PCDHB11: variants seen among roughly 807,000 people sequenced by gnomAD.
PCDHB11 encodes the protein protocadherin beta-11.
For missense variants in PCDHB11, 1,151 were observed against 1,003.4 expected, an observed-to-expected ratio of 1.15 and a Z score of -1.99; for synonymous variants, 522 against 442.0, an observed-to-expected ratio of 1.18 and a Z score of -2.27.
At position 141,201,743 on chromosome 5, in the gene PCDHB11, A is replaced by G. The variant is rs1588379912; in HGVS notation, c.1969A>G (p.Thr657Ala). The change falls in exon 1 of 1, where the codon ACG (threonine) becomes GCG (alanine). Residue 657 changes from threonine (T) to alanine (A), a missense_variant. Thr to Ala is a moderately conservative substitution (Grantham distance 58). Transcript: ENST00000354757. ...NGEPPRSATA[T>A]LQVLLVDGFS... ...CGAGCCTCCGCGCTCGGCCACCGCC[A>G]CGCTGCAAGTGCTCCTGGTGGACGG... The G allele has an allele frequency of 3.7e-6, 6 of 1,608,624 alleles. No homozygotes were observed. The East Asian group carries it at 8.9e-5, about 24-fold the overall frequency.
chr5:141,201,046 C>G lies in PCDHB11; in HGVS notation c.1272C>G (p.Thr424=), dbSNP rs1554285476. 1.2e-6 allele frequency: 2 copies of G among 1,614,188 alleles called. No individual in the cohort carries two copies. The highest frequency in any genetic ancestry group is 1.3e-5 in the African/African-American group (1 of 75,044). The change falls in exon 1 of 1, where the codon ACC becomes ACG. Residue 424 remains threonine (T), a synonymous_variant. Coordinates refer to ENST00000354757, the MANE Select transcript of PCDHB11 (RefSeq NM_018931.3). ...AGTACAATATCACCATCACCGTCACCGACTTGGGGATACCCAGGCTGAAAA... is the reference window on the plus strand; with the variant it reads ...AGTACAATATCACCATCACCGTCACGGACTTGGGGATACCCAGGCTGAAAA... The part of the protein sequence containing the change: ...TAEYNITITV[T]DLGIPRLKTE...
rs1554285796 is a variant in PCDHB11, at chr5:141,202,032, T to C, written c.2258T>C (p.Val753Ala). 3.1e-6 allele frequency: 5 copies of C among 1,614,006 alleles called. No individual in the cohort carries two copies. Among genetic ancestry groups the C allele is most frequent in the African/African-American group, 1.3e-5 (1 of 74,894 alleles). The stretch of plus-strand genomic sequence containing the variant: ...CTTTCCCAGAGCTACCAGTACGAGG[T>C]GTGTCTGACGGGAGGTTCCGAGACA... ...GTLSQSYQYE[V>A]CLTGGSETNE... Residue 753 changes from valine (V) to alanine (A), a missense_variant, in exon 1 of 1, where the codon GTG becomes GCG. Val to Ala is a moderately conservative substitution (Grantham distance 64). Coordinates refer to ENST00000354757, the MANE Select transcript of PCDHB11 (RefSeq NM_018931.3).
In PCDHB11 at chr5:141,202,274, AT is replaced by A; in HGVS notation, c.*111del. ...GTTATTATGCAATACGACTAATTGT[AT>A]TTTTAATTTTTTCTTTTCTCCCCCA... is the stretch of plus-strand genomic sequence containing the variant. On this transcript the variant is annotated 3_prime_UTR_variant, in exon 1 of 1. Transcript: ENST00000354757. 9.8e-7 allele frequency: 1 copy of A among 1,019,622 alleles called. No homozygotes were observed. The highest frequency in any genetic ancestry group is 1.4e-6 in the Non-Finnish European group (1 of 734,594). The allele number at this position is 1,019,622 out of a possible 1,614,324, so 63.2% of individuals were successfully genotyped here.
At position 141,202,300 on chromosome 5, in the gene PCDHB11, AATTT is replaced by A; in HGVS notation, c.*133_*136del. 1 of 843,386 alleles carries A rather than the reference AATTT, an allele frequency of 1.2e-6. No homozygotes were observed. Among genetic ancestry groups the A allele is most frequent in the Non-Finnish European group, 1.7e-6 (1 of 598,050 alleles). The allele number at this position is 843,386 out of a possible 1,614,324, so 52.2% of individuals were successfully genotyped here. A position where few individuals can be genotyped will look rare whatever the true frequency, so the allele number is the denominator to read the frequency against. ...TTTTTAATTTTTTCTTTTCTCCCCCAATTTTTTTTTTTTTTTTGAGACCGAGTCT... is the reference window on the plus strand; with the variant it reads ...TTTTTAATTTTTTCTTTTCTCCCCCATTTTTTTTTTTTTGAGACCGAGTCT... On this transcript the variant is annotated 3_prime_UTR_variant, in exon 1 of 1. Coordinates refer to ENST00000354757, the MANE Select transcript of PCDHB11 (RefSeq NM_018931.3).
At position 141,199,823 on chromosome 5, in the gene PCDHB11, C is replaced by G. The variant is rs142003503; in HGVS notation, c.49C>G (p.Leu17Val). The change falls in exon 1 of 1, where the codon CTC becomes GTC. Residue 17 changes from leucine to valine, a missense_variant. Physicochemically the swap from Leu to Val is conservative, Grantham distance 32. Coordinates refer to ENST00000354757, the MANE Select transcript of PCDHB11 (RefSeq NM_018931.3). ...TCAGCAGATAAGGCAAGTCCTGCTTCTCTTTGTTTTGCTCGGAATGTCTCA... is the reference window on the plus strand; with the variant it reads ...TCAGCAGATAAGGCAAGTCCTGCTTGTCTTTGTTTTGCTCGGAATGTCTCA... ...RTQQIRQVLL[L>V]FVLLGMSQAG... The G allele has an allele frequency of 1.5e-5, 24 of 1,614,076 alleles. No homozygotes were observed. Among genetic ancestry groups the G allele is most frequent in the Non-Finnish European group, 1.9e-5 (23 of 1,180,052 alleles).
In PCDHB11 at chr5:141,200,786, A is replaced by G; in HGVS notation, c.1012A>G (p.Ile338Val). 6.2e-7 allele frequency: 1 copy of G among 1,614,238 alleles called. No homozygotes were observed. The highest frequency in any genetic ancestry group is 1.7e-5 in the Admixed American group (1 of 60,016). The change falls in exon 1 of 1, where the codon ATA (isoleucine) becomes GTA (valine). Residue 338 changes from isoleucine (I) to valine (V), a missense_variant. By Grantham distance (29) the Ile-to-Val change is conservative (BLOSUM62 3). Coordinates refer to ENST00000354757, the MANE Select transcript of PCDHB11 (RefSeq NM_018931.3). ...FGKSTVIIHV[I>V]DVNDNAPEIT... is the part of the protein sequence containing the mutation. ...AAAATCTACAGTCATAATTCACGTG[A>G]TAGATGTAAATGACAATGCTCCTGA...
chr5:141,202,814 AT>A lies in PCDHB11; in HGVS notation c.*649del, dbSNP rs1754238938. 1 of 151,160 alleles carries A rather than the reference AT, an allele frequency of 6.6e-6. No individual in the cohort carries two copies. Among genetic ancestry groups the A allele is most frequent in the Non-Finnish European group, 1.5e-5 (1 of 67,846 alleles). 9.4% of individuals were successfully genotyped at this position (151,160 alleles called of 1,614,324 possible). ...TTTTGTAGAGACGGATCGTCACCAT[AT>A]TTCTTAGGCTGGCCTTTAACTTCTG... On this transcript the variant is annotated 3_prime_UTR_variant, in exon 1 of 1. Coordinates refer to ENST00000354757, the MANE Select transcript of PCDHB11 (RefSeq NM_018931.3).
chr5:141,201,409 G>C lies in PCDHB11; in HGVS notation c.1635G>C (p.Ala545=), dbSNP rs1754185553. The change falls in exon 1 of 1, where the codon GCG becomes GCC. Residue 545 remains alanine (A), a synonymous_variant. Coordinates refer to ENST00000354757, the MANE Select transcript of PCDHB11 (RefSeq NM_018931.3). ...DRGSPALSSE[A]LVRVLVLDAN... ...GCTCCCCGGCTTTGAGCAGCGAGGC[G>C]CTGGTGCGCGTGCTGGTGCTGGACG... 3 of 1,611,646 alleles carry C rather than the reference G, an allele frequency of 1.9e-6. No homozygotes were observed. Among genetic ancestry groups the C allele is most frequent in the Non-Finnish European group, 2.5e-6 (3 of 1,179,690 alleles).
In PCDHB11 at chr5:141,200,499, T is replaced by C; in HGVS notation, c.725T>C (p.Phe242Ser). The C allele has an allele frequency of 1.2e-6, 2 of 1,614,130 alleles. No individual in the cohort carries two copies. Among genetic ancestry groups the C allele is most frequent in the Admixed American group, 3.3e-5 (2 of 60,014 alleles). ...VVDINDNSPE[F>S]EQAFYEVKIR... Reference sequence around the variant, plus strand: ...GACATTAATGACAACTCCCCTGAATTTGAGCAGGCTTTTTATGAGGTGAAG... The same window carrying C: ...GACATTAATGACAACTCCCCTGAATCTGAGCAGGCTTTTTATGAGGTGAAG... Residue 242 changes from phenylalanine (F) to serine (S), a missense_variant, in exon 1 of 1, where the codon TTT becomes TCT. Transcript: ENST00000354757.
At position 141,200,608 on chromosome 5, in the gene PCDHB11, C is replaced by T. The variant is rs1396804760; in HGVS notation, c.834C>T (p.Cys278=). ...DLDSGTNGEI[C]YTFSHASEDI... is the part of the protein sequence containing the mutation. Reference sequence around the variant, plus strand: ...ACTCTGGAACAAATGGTGAAATATGCTATACCTTTTCCCATGCCTCAGAAG... The same window carrying T: ...ACTCTGGAACAAATGGTGAAATATGTTATACCTTTTCCCATGCCTCAGAAG... The change falls in exon 1 of 1, where the codon TGC becomes TGT. Residue 278 remains cysteine (C), a synonymous_variant. Coordinates refer to ENST00000354757, the MANE Select transcript of PCDHB11 (RefSeq NM_018931.3). 9.3e-6 allele frequency: 15 copies of T among 1,614,194 alleles called. No homozygotes were observed. Among genetic ancestry groups the T allele is most frequent in the Non-Finnish European group, 1.3e-5 (15 of 1,180,026 alleles).
Position 141,200,461 on chromosome 5 carries a change from G to C in PCDHB11, c.687G>C (p.Arg229Ser), listed in dbSNP as rs1554285286. The C allele has an allele frequency of 2.5e-6, 4 of 1,614,138 alleles. No individual in the cohort carries two copies. Among genetic ancestry groups the C allele is most frequent in the Non-Finnish European group, 3.4e-6 (4 of 1,180,036 alleles). The change falls in exon 1 of 1, where the codon AGG becomes AGC. Residue 229 changes from arginine to serine, a missense_variant. By Grantham distance (110) the Arg-to-Ser change is moderately radical. Coordinates refer to ENST00000354757, the MANE Select transcript of PCDHB11 (RefSeq NM_018931.3). ...CCAGGTCTGGAACTGCCTTGGTCAGGGTGGTGGTTGTGGACATTAATGACA... is the reference window on the plus strand; with the variant it reads ...CCAGGTCTGGAACTGCCTTGGTCAGCGTGGTGGTTGTGGACATTAATGACA... ...SPPRSGTALV[R>S]VVVVDINDNS...
In PCDHB11 at chr5:141,201,325, G is replaced by T. The variant is rs1554285566; in HGVS notation, c.1551G>T (p.Arg517Ser). The T allele has an allele frequency of 6.2e-7, 1 of 1,613,514 alleles. No homozygotes were observed. Among genetic ancestry groups the T allele is most frequent in the Admixed American group, 1.7e-5 (1 of 60,014 alleles). The change falls in exon 1 of 1, where the codon AGG (arginine) becomes AGT (serine). Residue 517 changes from arginine (R) to serine (S), a missense_variant. Physicochemically the swap from Arg to Ser is moderately radical, Grantham distance 110. Coordinates refer to ENST00000354757, the MANE Select transcript of PCDHB11 (RefSeq NM_018931.3). ...ACAACGGCCACCTGTTCGCCCTCAGGTCGCTGGACTACGAGGCCCTGCAGG... is the reference window on the plus strand; with the variant it reads ...ACAACGGCCACCTGTTCGCCCTCAGTTCGCTGGACTACGAGGCCCTGCAGG... ...NTDNGHLFALRSLDYEALQAF... is the reference protein window; with the variant it reads ...NTDNGHLFALSSLDYEALQAF...
rs782273437 is a variant in PCDHB11 at position 141,201,173 on chromosome 5, G to C, written c.1399G>C (p.Ala467Pro). ...TLFVRENNSP[A>P]LHIGSVSATD... Reference sequence around the variant, plus strand: ...GTTCGTCCGCGAGAACAACAGCCCCGCCCTGCACATCGGCAGTGTCAGCGC... The same window carrying C: ...GTTCGTCCGCGAGAACAACAGCCCCCCCCTGCACATCGGCAGTGTCAGCGC... Residue 467 changes from alanine (A) to proline (P), a missense_variant, in exon 1 of 1, where the codon GCC (alanine) becomes CCC (proline). Physicochemically the swap from Ala to Pro is conservative, Grantham distance 27. Transcript: ENST00000354757. 1.2e-6 allele frequency: 2 copies of C among 1,613,568 alleles called. No homozygotes were observed. The highest frequency in any genetic ancestry group is 1.7e-5 in the Admixed American group (1 of 60,012).
chr5:141,199,653 G>T lies in PCDHB11; in HGVS notation c.-122G>T. 1.3e-6 allele frequency: 1 copy of T among 792,958 alleles called. No individual in the cohort carries two copies. 49.1% of individuals were successfully genotyped at this position (792,958 alleles called of 1,614,324 possible). Reference sequence around the variant, plus strand: ...GACAGAAACAACAAGCCTTCAAGAGGGTGACCTGGAAACCATTCAACAGGG... The same window carrying T: ...GACAGAAACAACAAGCCTTCAAGAGTGTGACCTGGAAACCATTCAACAGGG... On this transcript the variant is annotated 5_prime_UTR_variant, in exon 1 of 1. Coordinates refer to ENST00000354757, the MANE Select transcript of PCDHB11 (RefSeq NM_018931.3).
rs1563965347 is a variant in PCDHB11, at chr5:141,200,871, T to C, written c.1097T>C (p.Met366Thr). Reference sequence around the variant, plus strand: ...GAAAATACGCCAGAGACCGTGGTTATGGTTTTTAGTATCCAAGATATAGAC... The same window carrying C: ...GAAAATACGCCAGAGACCGTGGTTACGGTTTTTAGTATCCAAGATATAGAC... ...IPENTPETVV[M>T]VFSIQDIDSG... Residue 366 changes from methionine (M) to threonine (T), a missense_variant, in exon 1 of 1, where the codon ATG (methionine) becomes ACG (threonine). By Grantham distance (81) the Met-to-Thr change is moderately conservative. Transcript: ENST00000354757. 2.5e-6 allele frequency: 4 copies of C among 1,614,244 alleles called. No homozygotes were observed. The highest frequency in any genetic ancestry group is 1.7e-5 in the Admixed American group (1 of 60,024).
Position 141,200,712 on chromosome 5 carries a change from A to C in PCDHB11, c.938A>C (p.Glu313Ala), listed in dbSNP as rs782288941. ...GCACCTCTGGATTTTGAAACGATTG[A>C]GTCATACTCAATAATCATTCAAGCC... is the stretch of plus-strand genomic sequence containing the variant. ...LRAPLDFETI[E>A]SYSIIIQATD... The change falls in exon 1 of 1, where the codon GAG becomes GCG. Residue 313 changes from glutamate to alanine, a missense_variant. Physicochemically the swap from Glu to Ala is moderately radical, Grantham distance 107. Transcript: ENST00000354757. The C allele has an allele frequency of 1.3e-5, 21 of 1,614,096 alleles. No homozygotes were observed. The East Asian group carries it at 4.7e-4, about 36-fold the overall frequency.
Position 141,202,659 on chromosome 5 carries a change from C to G in PCDHB11, c.*491C>G, listed in dbSNP as rs1554285928. 6.6e-6 allele frequency: 1 copy of G among 151,976 alleles called. No homozygotes were observed. Among genetic ancestry groups the G allele is most frequent in the Non-Finnish European group, 1.5e-5 (1 of 68,516 alleles). The allele number at this position is 151,976 out of a possible 1,614,324, so 9.4% of individuals were successfully genotyped here. A position where few individuals can be genotyped will look rare whatever the true frequency, so the allele number is the denominator to read the frequency against. On this transcript the variant is annotated 3_prime_UTR_variant, in exon 1 of 1. Transcript: ENST00000354757. ...TGATACAGAGTCTTAGTCACCCAGA[C>G]TAGAGGTCAGTGGCAGGATCTCAGC...
rs202157565 is a variant in PCDHB11, at chr5:141,201,952, G to T, written c.2178G>T (p.Ser726=). 13 of 1,613,900 alleles carry T rather than the reference G, an allele frequency of 8.1e-6. No homozygotes were observed. The African/African-American group carries it at 1.6e-4, about 20-fold the overall frequency. ...RSRAASVGSC[S]VPKGPFPGHL... ...GGGCGGCCTCGGTGGGAAGCTGCTCGGTGCCTAAGGGCCCCTTTCCAGGGC... is the reference window on the plus strand; with the variant it reads ...GGGCGGCCTCGGTGGGAAGCTGCTCTGTGCCTAAGGGCCCCTTTCCAGGGC... The change falls in exon 1 of 1, where the codon TCG becomes TCT. Residue 726 remains serine, a synonymous_variant. Transcript: ENST00000354757.
chr5:141,201,327 C>A lies in PCDHB11; in HGVS notation c.1553C>A (p.Ser518Ter). Reference protein sequence around the residue: ...TDNGHLFALRSLDYEALQAFD... With the variant: ...TDNGHLFALR ...AACGGCCACCTGTTCGCCCTCAGGT[C>A]GCTGGACTACGAGGCCCTGCAGGCT... The change falls in exon 1 of 1, where the codon TCG (serine) becomes TAG (stop). Residue 518 changes from serine (S) to a stop codon, truncating the protein, a stop_gained. Transcript: ENST00000354757. LOFTEE classifies it low-confidence loss of function (END_TRUNC). 1.2e-6 allele frequency: 2 copies of A among 1,613,472 alleles called. No individual in the cohort carries two copies. Among genetic ancestry groups the A allele is most frequent in the South Asian group, 2.2e-5 (2 of 91,048 alleles).
Sources: gnomAD v4.1 joint callset for allele counts on GRCh38, gnomAD v4.1.1 for gene constraint, MANE v1.5 for transcripts, NCBI Gene and HGNC (gene_info 2026-07-23, HGNC 2026-07-21) for gene names.